Variants in ARHGEF10 observed in about 807,000 individuals in gnomAD.
ARHGEF10 encodes the protein Rho guanine nucleotide exchange factor 10.
In ARHGEF10, 140 loss-of-function variants were observed where a neutral mutation model predicts 147.4. The observed-to-expected ratio is 0.95, with a 90% CI of 0.83 to 1.09. The LOEUF (loss-of-function observed/expected upper bound fraction) is 1.09. Ranked by LOEUF, ARHGEF10 falls within the 50% of genes least tolerant of loss-of-function variation. The pLI is 0.00. For missense variants in ARHGEF10, 2,222 were observed against 1,752.7 expected, an observed-to-expected ratio of 1.27 and a Z score of -4.78; for synonymous variants, 902 against 695.8, an observed-to-expected ratio of 1.30 and a Z score of -4.67.
In ARHGEF10 at chr8:1,882,760, G is replaced by A. The variant is rs1469793391; in HGVS notation, c.1075+11G>A. On this transcript the variant is annotated intron_variant, in intron 10 of 28. Coordinates refer to ENST00000349830, the MANE Select transcript of ARHGEF10 (RefSeq NM_014629.4). Reference sequence around the variant, plus strand: ...CTCTCATCGCACAGGGTCCGTGCCTGCAGGTCTTCTTGCGGGGAGGACACG... The same window carrying A: ...CTCTCATCGCACAGGGTCCGTGCCTACAGGTCTTCTTGCGGGGAGGACACG... 1.4e-5 allele frequency: 22 copies of A among 1,541,148 alleles called. No individual in the cohort carries two copies. Among genetic ancestry groups the A allele is most frequent in the Admixed American group, 4.0e-5 (2 of 50,406 alleles).
rs778967190 is a variant in ARHGEF10, at chr8:1,858,060, C to G, written c.138C>G (p.Ala46=). 19 of 1,613,832 alleles carry G rather than the reference C, an allele frequency of 1.2e-5. No homozygotes were observed. The highest frequency in any genetic ancestry group is 1.6e-5 in the Non-Finnish European group (19 of 1,179,986). ...GDEIPEADRQ[A]PSAPETGGAG... ...AAATCCCAGAAGCGGACAGACAGGC[C>G]CCATCCGCCCCTGAGACAGGAGGTG... is the stretch of plus-strand genomic sequence containing the variant. Residue 46 remains alanine (A), a synonymous_variant, in exon 3 of 29, where the codon GCC becomes GCG. Transcript: ENST00000349830.
intron 1 of ARHGEF10, among the ~76,000 whole-genome samples, chr8:1,833,063 C>G (rs1054998466): frequency 9.7e-3 from 22 of 2,266 alleles, no homozygotes; most frequent in African/African-American, 0.023. Flanking sequence ...CAGAGAGAGA[C>G]AGAGACAGAG....
chr8:1,949,400 A>G (rs1447387733), intron 27 of ARHGEF10, among the ~76,000 whole-genome samples: 1 of 152,246 alleles, frequency 6.6e-6, no homozygotes, highest in African/African-American at 2.4e-5. Flanking sequence ...CACATTCGTT[A>G]GAGCGGTCGT....
Position 1,957,029 on chromosome 8 carries a change from C to G in ARHGEF10, c.3801C>G (p.His1267Gln). Residue 1267 changes from histidine to glutamine, a missense_variant, in exon 29 of 29, where the codon CAC becomes CAG. Coordinates refer to ENST00000349830, the MANE Select transcript of ARHGEF10 (RefSeq NM_014629.4). ...CATCTGGGTCCCTGAGCTTGTCTCA[C>G]GGCTCCAGCTCTCTAGAGCACAGAT... ...SSSSGSLSLS[H>Q]GSSSLEHRSE... 15 of 1,613,986 alleles carry G rather than the reference C, an allele frequency of 9.3e-6. No individual in the cohort carries two copies. Among genetic ancestry groups the G allele is most frequent in the South Asian group, 2.2e-5 (2 of 91,090 alleles).
chr8:1,898,595 C>G, intron 15 of ARHGEF10, 70 bp downstream of exon 15: 1 of 1,467,554 alleles, frequency 6.8e-7, no homozygotes, highest in Non-Finnish European at 9.5e-7. Context: ...AAAATGGCGT[C>G]TGTTCCTCCA....
At chr8:1,850,871 GAAATGAGC>G (rs960971116) in intron 2 of ARHGEF10, among the ~76,000 whole-genome samples, 1 of 152,108 alleles carries the variant, frequency 6.6e-6, no homozygotes, top group Admixed American at 6.5e-5. Flanking sequence ...GTGCTAGGAA[GAAATGAGC>G]TGCCAAGCCG....
rs953329686 is a variant in ARHGEF10, at chr8:1,888,205, T to G, written c.1182+2498T>G. Among the ~76,000 whole-genome samples, 157 of 24,528 alleles carry G rather than the reference T, an allele frequency of 6.4e-3. 13 individuals are homozygous for G. The highest frequency in any genetic ancestry group is 0.035 in the African/African-American group (108 of 3,110). 16.1% of individuals were successfully genotyped at this position (24,528 alleles called of 152,430 possible). A position where few individuals can be genotyped will look rare whatever the true frequency, so the allele number is the denominator to read the frequency against. On this transcript the variant is annotated intron_variant, in intron 11 of 28. Transcript: ENST00000349830. ...GGGTGAGGGTTTGCGAGGAGACACT[T>G]AGTGGGGCGAGGGTTGCGAGGAGAC...
At position 1,860,091 on chromosome 8, in the gene ARHGEF10, C is replaced by G. The variant is rs764955644; in HGVS notation, c.388C>G (p.Pro130Ala). Residue 130 changes from proline (P) to alanine (A), a missense_variant, in exon 4 of 29, where the codon CCC (proline) becomes GCC (alanine). By Grantham distance (27) the Pro-to-Ala change is conservative. Coordinates refer to ENST00000349830, the MANE Select transcript of ARHGEF10 (RefSeq NM_014629.4). ...HVPCGYLVPVPCGYAVPSNLP... is the reference protein window; with the variant it reads ...HVPCGYLVPVACGYAVPSNLP... ...GCCCTGCGGGTACTTGGTGCCTGTA[C>G]CCTGCGGCTATGCGGTGCCCTCCAA... 6.2e-7 allele frequency: 1 copy of G among 1,613,960 alleles called. No individual in the cohort carries two copies. The highest frequency in any genetic ancestry group is 1.3e-5 in the African/African-American group (1 of 74,902).
At chr8:1,843,460 C>T in intron 2 of ARHGEF10, 24 bp downstream of exon 2, 4 of 1,593,182 alleles carry the variant, frequency 2.5e-6, no homozygotes, top group South Asian at 1.1e-5. Context: ...GTAGGTGGGC[C>T]TGTGGGTCAG....
intron 11 of ARHGEF10, among the ~76,000 whole-genome samples, chr8:1,892,138 A>C (rs752803403): frequency 2.6e-5 from 4 of 151,924 alleles, no homozygotes; most frequent in Non-Finnish European, 4.4e-5. Context: ...TTCAGAAGAA[A>C]GACTGGCCTG....
intron 7 of ARHGEF10, among the ~76,000 whole-genome samples, chr8:1,874,394 C>T (rs1807464287): frequency 6.6e-6 from 1 of 152,212 alleles, no homozygotes; most frequent in South Asian, 2.1e-4. Flanking sequence ...CTCTTGCCAA[C>T]TGCTGTGCGG....
At chr8:1,903,206 T>C (rs1810612337) in intron 15 of ARHGEF10, 75 bp from the exon 16 acceptor site, 2 of 1,560,702 alleles carry the variant, frequency 1.3e-6, no homozygotes, top group Admixed American at 1.7e-5. Context: ...CATTGTCAGC[T>C]GGCGGGTGAC....
chr8:1,949,894 T>C (rs779372811), intron 27 of ARHGEF10, among the ~76,000 whole-genome samples: 1 of 152,000 alleles, frequency 6.6e-6, no homozygotes, highest in Non-Finnish European at 1.5e-5. Flanking sequence ...TTCCCTCCCA[T>C]ACTTGGGGGA....
chr8:1,832,595 G>C (rs891430868), intron 1 of ARHGEF10, among the ~76,000 whole-genome samples: 1 of 150,156 alleles, frequency 6.7e-6, no homozygotes, highest in Admixed American at 6.6e-5. Context: ...GACAGAGACA[G>C]AGACAGGCAG....
chr8:1,956,995 T>C lies in ARHGEF10; in HGVS notation c.3767T>C (p.Leu1256Pro), dbSNP rs1333745928. The change falls in exon 29 of 29, where the codon CTG (leucine) becomes CCG (proline). Residue 1256 changes from leucine (L) to proline (P), a missense_variant. Leu to Pro is a moderately conservative substitution (Grantham distance 98). Coordinates refer to ENST00000349830, the MANE Select transcript of ARHGEF10 (RefSeq NM_014629.4). ...GGATCGATGACTCAGAAAAGCGACC[T>C]GTCCTCCTCATCTGGGTCCCTGAGC... ...SLGSMTQKSD[L>P]SSSSGSLSLS... The C allele has an allele frequency of 3.1e-6, 5 of 1,614,150 alleles. No individual in the cohort carries two copies. The highest frequency in any genetic ancestry group is 4.2e-6 in the Non-Finnish European group (5 of 1,180,042).
At chr8:1,911,061 A>G (rs1283691259) in intron 18 of ARHGEF10, among the ~76,000 whole-genome samples, 3 of 152,252 alleles carry the variant, frequency 2.0e-5, no homozygotes, top group East Asian at 1.9e-4. Flanking sequence ...TTATCATTGC[A>G]TTTGCACCCT....
Position 1,957,810 on chromosome 8 carries a change from C to T in ARHGEF10, c.*547C>T, listed in dbSNP as rs914241080. 2 of 156,968 alleles carry T rather than the reference C, an allele frequency of 1.3e-5. No individual in the cohort carries two copies. The highest frequency in any genetic ancestry group is 1.2e-4 in the Admixed American group (2 of 16,194). The allele number at this position is 156,968 out of a possible 1,614,324, so 9.7% of individuals were successfully genotyped here. On this transcript the variant is annotated 3_prime_UTR_variant, in exon 29 of 29. Coordinates refer to ENST00000349830, the MANE Select transcript of ARHGEF10 (RefSeq NM_014629.4). ...CTACCAGTCCAGTTAGCATGATTTG[C>T]TTTCAGAAGTGAGCTGGGTTTTCCA...
intron 8 of ARHGEF10, among the ~76,000 whole-genome samples, chr8:1,878,268 C>T (rs1322408926): frequency 6.6e-6 from 1 of 152,068 alleles, no homozygotes; most frequent in South Asian, 2.1e-4. Flanking sequence ...CGGCTCACTG[C>T]AACCTCCACT....
rs1413855721 is a variant in ARHGEF10, at chr8:1,937,209, C to T, written c.3222+3267C>T. Reference sequence around the variant, plus strand: ...TATCCATCTGACACTTCTTATTTCACGTGCCCTGAGAATGAGAAGCCTTCA... The same window carrying T: ...TATCCATCTGACACTTCTTATTTCATGTGCCCTGAGAATGAGAAGCCTTCA... On this transcript the variant is annotated intron_variant, in intron 26 of 28. Transcript: ENST00000349830. This position sits in a 1 kb window ranked among gnomAD's most constrained non-coding sequence, Gnocchi z 4.9. Among the ~76,000 whole-genome samples the T allele has an allele frequency of 3.3e-5, 5 of 152,146 alleles. No individual in the cohort carries two copies. Among genetic ancestry groups the T allele is most frequent in the Non-Finnish European group, 5.9e-5 (4 of 68,030 alleles).
Sources: allele counts gnomAD v4.1 joint callset (sites outside exome capture counted in the v4.1 genomes callset), GRCh38; gene constraint gnomAD v4.1.1; non-coding constraint Gnocchi (gnomAD v3.1); transcripts MANE v1.5; gene names NCBI Gene and HGNC (gene_info 2026-07-23, HGNC 2026-07-21).